LRP1B: variants seen among roughly 807,000 people sequenced by gnomAD.
LRP1B encodes the protein low-density lipoprotein receptor-related protein 1B.
In LRP1B, 217 loss-of-function variants were observed where a neutral mutation model predicts 556.6. The ratio of observed to expected loss-of-function variants is 0.39; its 90% CI spans 0.35 to 0.44. The LOEUF (loss-of-function observed/expected upper bound fraction) is 0.44. LRP1B is among the 20% of genes least tolerant of loss of function. The pLI, the probability that LRP1B is intolerant of heterozygous loss-of-function variation, is 1.00. For synonymous variants in LRP1B, 2,047 were observed against 1,865.8 expected (o/e 1.10, Z -2.50); for missense variants, 5,053 against 5,620.8 (o/e 0.90, Z 3.23).
At chr2:141,390,533 T>C (rs1217710807) in intron 3 of LRP1B, among the ~76,000 whole-genome samples, 1 of 152,246 alleles carries the variant, frequency 6.6e-6, no homozygotes, top group African/African-American at 2.4e-5. Context: ...TTAAAAAGTC[T>C]GGATGTTCTT....
intron 1 of LRP1B, among the ~76,000 whole-genome samples, chr2:141,842,584 G>A (rs768031320): frequency 1.3e-4 from 20 of 152,074 alleles, no homozygotes; most frequent in Admixed American, 6.6e-4. Context: ...AGTGTTAAAT[G>A]TGTCAATTAT....
rs1197909912 is a variant in LRP1B, at chr2:141,294,749, A to AC, written c.344-40109_344-40108insG. Among the ~76,000 whole-genome samples the AC allele has an allele frequency of 6.0e-4, 91 of 151,364 alleles. 1 individual carries two copies. The highest frequency in any genetic ancestry group is 2.2e-3 in the African/African-American group (90 of 41,378). ...AATGAGATTCTGTCTCAAAAAAAAA[A>AC]AAAATAGAAACCTAAAACAAAAATT... On this transcript the variant is annotated intron_variant, in intron 3 of 90. Transcript: ENST00000389484.
intron 1 of LRP1B, among the ~76,000 whole-genome samples, chr2:142,053,267 T>A (rs566808838): frequency 6.6e-6 from 1 of 152,250 alleles, no homozygotes; most frequent in African/African-American, 2.4e-5. Context: ...CTATAGCAAT[T>A]TAGCTATTTT....
intron 37 of LRP1B, among the ~76,000 whole-genome samples, chr2:140,708,482 C>A (rs1686918450): frequency 6.7e-6 from 1 of 148,568 alleles, no homozygotes; most frequent in South Asian, 2.1e-4. Flanking sequence ...AAATTATTCA[C>A]AAACAAAAAA....
rs1293708949 is a variant in LRP1B, at chr2:140,450,673, A to G, written c.9964-12T>C. The G allele has an allele frequency of 6.3e-7, 1 of 1,578,462 alleles. No homozygotes were observed. Among genetic ancestry groups the G allele is most frequent in the African/African-American group, 1.4e-5 (1 of 73,106 alleles). ...GTTTTGCAACGAAACTTAAAAAAGAAAAAAAGAAAAAAAAATGTTGAAGAA... is the reference window on the plus strand; with the variant it reads ...GTTTTGCAACGAAACTTAAAAAAGAGAAAAAGAAAAAAAAATGTTGAAGAA... On this transcript the variant is annotated splice_polypyrimidine_tract_variant and intron_variant, in intron 62 of 90. Transcript: ENST00000389484.
At chr2:142,001,264 T>G (rs925309321) in intron 1 of LRP1B, among the ~76,000 whole-genome samples, 4 of 152,208 alleles carry the variant, frequency 2.6e-5, no homozygotes, top group African/African-American at 9.6e-5. Flanking sequence ...TTATTCTACC[T>G]ACTGTCTCTG....
At chr2:140,995,021 A>C (rs1697202331) in intron 15 of LRP1B, among the ~76,000 whole-genome samples, 2 of 152,000 alleles carry the variant, frequency 1.3e-5, no homozygotes, top group African/African-American at 4.8e-5. Flanking sequence ...TGAAGGGGAA[A>C]AAGCACTCAG....
At position 141,229,359 on chromosome 2, in the gene LRP1B, G is replaced by C. The variant is rs753694876; in HGVS notation, c.674C>G (p.Ala225Gly). The change falls in exon 6 of 91, where the codon GCA (alanine) becomes GGA (glycine). Residue 225 changes from alanine (A) to glycine (G), a missense_variant. Around this residue, in one of 5 missense-constraint regions of LRP1B, gnomAD observed 3,619 missense variants for 3,931.9 expected, o/e 0.92. Coordinates refer to ENST00000389484, the MANE Select transcript of LRP1B (RefSeq NM_018557.3). ...EVFYLNGSKM[A>G]TLSSVNGNEI... ...ATTTCCATTGACTGAGCTTAGAGTT[G>C]CCATTTTACTTCCATTAAGATAGAA... is the stretch of plus-strand genomic sequence containing the variant. 1 of 1,611,486 alleles carries C rather than the reference G, an allele frequency of 6.2e-7. No individual in the cohort carries two copies. The highest frequency in any genetic ancestry group is 8.5e-7 in the Non-Finnish European group (1 of 1,178,022).
At position 140,291,862 on chromosome 2, in the gene LRP1B, C is replaced by G. The variant is rs188315249; in HGVS notation, c.12967+5946G>C. On this transcript the variant is annotated intron_variant, in intron 84 of 90. Transcript: ENST00000389484. ...GCTGGGTCAAATGGTATTTCTAGTT[C>G]TAGATCACTGAGGAATCACCACACT... 4.5e-3 allele frequency among the ~76,000 whole-genome samples: 678 copies of G among 152,218 alleles called. 4 individuals carry two copies. Among genetic ancestry groups the G allele is most frequent in the Non-Finnish European group, 6.9e-3 (467 of 68,012 alleles).
At chr2:142,118,240 G>A (rs754435630) in intron 1 of LRP1B, among the ~76,000 whole-genome samples, 2 of 151,988 alleles carry the variant, frequency 1.3e-5, no homozygotes, top group Non-Finnish European at 2.9e-5. Flanking sequence ...TTACAATGTC[G>A]TGATGGAGCC....
chr2:140,233,451 TA>T, intron 90 of LRP1B, 125 bp from the exon 91 acceptor site: 22 of 578,684 alleles, frequency 3.8e-5, no homozygotes, highest in Non-Finnish European at 6.1e-5. Context: ...ATTTATTAAA[TA>T]GTAATGATTT....
intron 2 of LRP1B, among the ~76,000 whole-genome samples, chr2:141,602,493 T>C (rs1265261098): frequency 6.6e-6 from 1 of 152,230 alleles, no homozygotes; most frequent in East Asian, 1.9e-4. Context: ...AAACATTTCA[T>C]AATCCTCTCA....
At chr2:140,481,439 G>C (rs188177029) in intron 59 of LRP1B, among the ~76,000 whole-genome samples, 2 of 152,110 alleles carry the variant, frequency 1.3e-5, no homozygotes, top group African/African-American at 4.8e-5. Context: ...GTGGTTAAAT[G>C]TGCCTATCTA....
At chr2:140,559,537 C>T (rs1167304787) in intron 43 of LRP1B, among the ~76,000 whole-genome samples, 1 of 151,858 alleles carries the variant, frequency 6.6e-6, no homozygotes, top group Admixed American at 6.6e-5. Context: ...GTACTCAGTG[C>T]AGAAAAAAGT....
At chr2:140,849,315 T>C (rs1692377336) in intron 29 of LRP1B, among the ~76,000 whole-genome samples, 1 of 148,696 alleles carries the variant, frequency 6.7e-6, no homozygotes, top group South Asian at 2.1e-4. Flanking sequence ...GAGGTTGCAG[T>C]GAGCCGAGAT....
intron 32 of LRP1B, among the ~76,000 whole-genome samples, chr2:140,779,753 A>AGTGTGTGTGTGT (rs373081625): frequency 0.017 from 2,225 of 133,964 alleles, 83 homozygotes; most frequent in African/African-American, 0.058. Context: ...TCTCTGTGAG[A>AGTGTGTGTGTGT]GAGTGTGTGT....
At chr2:141,664,541 A>G (rs540925817) in intron 2 of LRP1B, among the ~76,000 whole-genome samples, 24 of 152,332 alleles carry the variant, frequency 1.6e-4, no homozygotes, top group African/African-American at 5.3e-4. Context: ...TGCAAAAGTC[A>G]CAAGCATTCC....
chr2:141,759,710 T>C (rs1451634885), intron 2 of LRP1B, among the ~76,000 whole-genome samples: 1 of 151,942 alleles, frequency 6.6e-6, no homozygotes, highest in Non-Finnish European at 1.5e-5. Flanking sequence ...ATCAACAAGG[T>C]GGAAGAAAAT....
At chr2:140,638,000 A>C (rs537549939) in intron 41 of LRP1B, among the ~76,000 whole-genome samples, 2 of 152,354 alleles carry the variant, frequency 1.3e-5, no homozygotes, top group South Asian at 4.1e-4. Context: ...AGATACCTGG[A>C]TCATATAAAG....
Sources: gnomAD v4.1 joint callset for allele counts (sites outside exome capture counted in the v4.1 genomes callset) on GRCh38, gnomAD v4.1.1 for gene constraint, gnomAD v4.1.1 regional missense constraint, MANE v1.5 for transcripts, NCBI Gene and HGNC (gene_info 2026-07-23, HGNC 2026-07-21) for gene names.